The following C3orf20 variants were observed in gnomAD, a reference collection of about 807,000 sequenced individuals.
C3orf20 encodes the protein uncharacterized protein C3orf20.
In C3orf20, 76 loss-of-function variants were observed where a neutral mutation model predicts 88.3. The observed-to-expected ratio is 0.86, with a 90% CI of 0.72 to 1.04. The LOEUF is 1.04. C3orf20 is among the 50% of genes least tolerant of loss of function. The pLI is 0.00. For missense variants in C3orf20, 1,056 were observed against 1,123.3 expected, an observed-to-expected ratio of 0.94 and a Z score of 0.86; for synonymous variants, 436 against 437.4, an observed-to-expected ratio of 1.00 and a Z score of 0.04.
chr3:14,708,223 T>C (rs1559411166), intron 7 of C3orf20, among the ~76,000 whole-genome samples: 1 of 152,232 alleles, frequency 6.6e-6, no homozygotes, highest in Non-Finnish European at 1.5e-5. Context: ...TTCCAATTTC[T>C]TTCCTTTGCA....
chr3:14,755,412 C>T (rs187992675), intron 12 of C3orf20, among the ~76,000 whole-genome samples: 5 of 152,208 alleles, frequency 3.3e-5, no homozygotes, highest in South Asian at 4.1e-4. Flanking sequence ...CTAGTAGAAA[C>T]GTTATGGCTT....
intron 5 of C3orf20, among the ~76,000 whole-genome samples, chr3:14,695,903 A>G (rs1433002332): frequency 6.6e-6 from 1 of 151,548 alleles, no homozygotes; most frequent in Non-Finnish European, 1.5e-5. Context: ...GCTTCTGATC[A>G]TGGGGTCTTG....
At chr3:14,751,516 A>G (rs1016660566) in intron 12 of C3orf20, among the ~76,000 whole-genome samples, 24 of 152,282 alleles carry the variant, frequency 1.6e-4, no homozygotes, top group Middle Eastern at 3.4e-3. Flanking sequence ...AAGGATATTC[A>G]ATTAGGAAAA....
At chr3:14,759,764 A>T (rs2035499026) in intron 13 of C3orf20, 127 bp from the exon 14 acceptor site, 1 of 711,026 alleles carries the variant, frequency 1.4e-6, no homozygotes, top group South Asian at 1.7e-5. Context: ...GAGCAGGAGG[A>T]GTTGGGGAGA....
chr3:14,731,436 G>C (rs1314577411), intron 12 of C3orf20, among the ~76,000 whole-genome samples: 2 of 152,130 alleles, frequency 1.3e-5, no homozygotes, highest in African/African-American at 4.8e-5. Context: ...CACGGATAAG[G>C]TTTATTATAA....
intron 15 of C3orf20, among the ~76,000 whole-genome samples, chr3:14,767,773 T>A (rs1462239322): frequency 1.3e-5 from 2 of 152,258 alleles, no homozygotes; most frequent in Non-Finnish European, 2.9e-5. Context: ...AGAAAGCATC[T>A]TCTACACTGC....
intron 5 of C3orf20, among the ~76,000 whole-genome samples, chr3:14,695,606 A>G (rs2032957851): frequency 6.6e-6 from 1 of 152,128 alleles, no homozygotes. Context: ...ATCTCCAGCT[A>G]TTATTTTATT....
At position 14,726,882 on chromosome 3, in the gene C3orf20, C is replaced by A; in HGVS notation, c.1567-19C>A. The A allele has an allele frequency of 1.2e-6, 2 of 1,613,754 alleles. No individual in the cohort carries two copies. Among genetic ancestry groups the A allele is most frequent in the Non-Finnish European group, 1.7e-6 (2 of 1,179,984 alleles). On this transcript the variant is annotated intron_variant, in intron 10 of 16. Transcript: ENST00000253697. ...TTGAGGGGATGGTGACACCCGCCCT[C>A]CCCTTTGCCCCTCTCCAGCTGAACC... is the stretch of plus-strand genomic sequence containing the variant.
At position 14,704,358 on chromosome 3, in the gene C3orf20, G is replaced by C. The variant is rs1319527887; in HGVS notation, c.900G>C (p.Trp300Cys). The part of the protein sequence containing the change: ...CRHIEAERAT[W>C]KGRNISYPMI... ...GCAGAGAAGCTGAAAGGGCCACATG[G>C]AAAGGGAGGAATATCTCCTACCCCA... Residue 300 changes from tryptophan (W) to cysteine (C), a missense_variant, in exon 7 of 17, where the codon TGG (tryptophan) becomes TGC (cysteine). Transcript: ENST00000253697. The C allele has an allele frequency of 2.5e-6, 4 of 1,613,942 alleles. No individual in the cohort carries two copies. The African/African-American group carries it at 5.3e-5, about 22-fold the overall frequency.
chr3:14,686,374 T>C (rs1358074931), intron 4 of C3orf20, among the ~76,000 whole-genome samples: 1 of 152,256 alleles, frequency 6.6e-6, no homozygotes, highest in East Asian at 1.9e-4. Flanking sequence ...CTGGATCATA[T>C]GGTAGTTCCA....
At chr3:14,705,117 C>T (rs972656101) in intron 7 of C3orf20, among the ~76,000 whole-genome samples, 8 of 152,244 alleles carry the variant, frequency 5.3e-5, no homozygotes, top group African/African-American at 1.9e-4. Flanking sequence ...TGGGCCCTGA[C>T]TGCTCTGCAG....
chr3:14,735,469 T>C (rs775570300), intron 12 of C3orf20, among the ~76,000 whole-genome samples: 8 of 152,228 alleles, frequency 5.3e-5, no homozygotes, highest in Non-Finnish European at 1.2e-4. Context: ...CTAGCATTTT[T>C]ACCACTTTGC....
At chr3:14,696,309 T>C (rs2032998463) in intron 5 of C3orf20, among the ~76,000 whole-genome samples, 1 of 150,968 alleles carries the variant, frequency 6.6e-6, no homozygotes, top group Admixed American at 6.6e-5. Context: ...CCCCACATTT[T>C]AACTTTTTGT....
chr3:14,745,898 T>C (rs933016869), intron 12 of C3orf20, among the ~76,000 whole-genome samples: 2 of 152,190 alleles, frequency 1.3e-5, no homozygotes, highest in Non-Finnish European at 2.9e-5. Context: ...GAATTTAATA[T>C]ACTCACAGCA....
intron 10 of C3orf20, among the ~76,000 whole-genome samples, chr3:14,726,025 C>G (rs796787776): frequency 7.9e-5 from 12 of 152,284 alleles, no homozygotes; most frequent in African/African-American, 2.4e-4. Context: ...GAAACTGGGC[C>G]TGATTTTGCA....
At position 14,704,323 on chromosome 3, in the gene C3orf20, C is replaced by G. The variant is rs756273724; in HGVS notation, c.879-14C>G. The G allele has an allele frequency of 1.2e-4, 188 of 1,613,448 alleles. No individual in the cohort carries two copies. The Admixed American group carries it at 3.1e-3, about 26-fold the overall frequency. ...CCAAAAGGCTAGACAATATATTGCT[C>G]TCCTTCTCTGCAGAGAAGCTGAAAG... On this transcript the variant is annotated splice_polypyrimidine_tract_variant and intron_variant, in intron 6 of 16. Coordinates refer to ENST00000253697, the MANE Select transcript of C3orf20 (RefSeq NM_032137.5).
chr3:14,765,164 G>A (rs1020485461), intron 15 of C3orf20: 1 of 152,242 alleles, frequency 6.6e-6, no homozygotes, highest in African/African-American at 2.4e-5. Context: ...CAGCCTAAAG[G>A]GCAGGCCTCT....
At chr3:14,713,833 T>C (rs760994752) in intron 7 of C3orf20, among the ~76,000 whole-genome samples, 174 bp from the exon 8 acceptor site, 3 of 152,220 alleles carry the variant, frequency 2.0e-5, no homozygotes, top group African/African-American at 7.2e-5. Flanking sequence ...TAGGTCATCG[T>C]TGGGTTCCAT....
chr3:14,680,538 G>T (rs993904765), intron 1 of C3orf20, among the ~76,000 whole-genome samples: 1 of 152,068 alleles, frequency 6.6e-6, no homozygotes, highest in African/African-American at 2.4e-5. Flanking sequence ...GTTTTGTGTG[G>T]GGGCAATAGA....
Sources: gnomAD v4.1 joint callset for allele counts (sites outside exome capture counted in the v4.1 genomes callset) on GRCh38, gnomAD v4.1.1 for gene constraint, MANE v1.5 for transcripts, NCBI Gene and HGNC (gene_info 2026-07-23, HGNC 2026-07-21) for gene names.